The following NWD1 variants were observed in gnomAD, a reference collection of about 807,000 sequenced individuals.
NWD1 encodes the protein NACHT domain- and WD repeat-containing protein 1.
A neutral mutation model predicts 135.1 loss-of-function variants in NWD1; 129 were observed. The ratio of observed to expected loss-of-function variants is 0.96; its 90% CI spans 0.83 to 1.11. NWD1 has a LOEUF of 1.11. Among genes scored for constraint, NWD1 ranks in the 50% least tolerant of loss-of-function variants. The pLI is 0.00. For synonymous variants in NWD1, 773 were observed against 786.0 expected (o/e 0.98, Z 0.28); for missense variants, 1,740 against 1,851.3 (o/e 0.94, Z 1.10).
At position 16,750,279 on chromosome 19, in the gene NWD1, G is replaced by A; in HGVS notation, c.1637G>A (p.Trp546Ter). ...LRLAFEEARK[W>*]ASFTVPVPLA... ...CTGGCGTTTGAGGAAGCCCGGAAAT[G>A]GGCCTCTTTCACCGTGCCTGTCCCG... The change falls in exon 6 of 19, where the codon TGG (tryptophan) becomes TAG (stop). Residue 546 changes from tryptophan (W) to a stop codon, truncating the protein, a stop_gained. Coordinates refer to ENST00000524140, the MANE Select transcript of NWD1 (RefSeq NM_001007525.5). LOFTEE classifies it high-confidence loss of function. The A allele has an allele frequency of 6.2e-7, 1 of 1,613,594 alleles. No individual in the cohort carries two copies. Among genetic ancestry groups the A allele is most frequent in the South Asian group, 1.1e-5 (1 of 91,072 alleles).
intron 17 of NWD1, 83 bp downstream of exon 17, chr19:16,800,245 C>T: frequency 1.5e-6 from 2 of 1,356,064 alleles, no homozygotes; most frequent in Non-Finnish European, 2.0e-6. Flanking sequence ...AACAAATCAT[C>T]CCCACAGGCT....
chr19:16,809,712 G>A (rs983247244), intron 18 of NWD1, among the ~76,000 whole-genome samples: 12 of 151,742 alleles, frequency 7.9e-5, no homozygotes, highest in East Asian at 3.9e-4. Context: ...CCGCCACCAC[G>A]CCTGGCTAAT....
At chr19:16,745,021 C>G in intron 5 of NWD1, 1 of 566,056 alleles carries the variant, frequency 1.8e-6, no homozygotes, top group Admixed American at 2.2e-5. Context: ...TAAAGGCATA[C>G]TTGAGGCTGG....
intron 12 of NWD1, among the ~76,000 whole-genome samples, chr19:16,788,283 T>A (rs1371962290): frequency 2.5e-5 from 3 of 117,788 alleles, no homozygotes; most frequent in Non-Finnish European, 3.6e-5. Flanking sequence ...ATAATAATAA[T>A]AAAAGGCCAG....
intron 4 of NWD1, 117 bp downstream of exon 4, chr19:16,736,867 C>A: frequency 1.5e-6 from 1 of 680,506 alleles, no homozygotes; most frequent in South Asian, 1.6e-5. Flanking sequence ...GTACCTTATC[C>A]CTATGGCCTG....
intron 8 of NWD1, among the ~76,000 whole-genome samples, chr19:16,762,772 T>C (rs1298664000): frequency 6.6e-6 from 1 of 151,604 alleles, no homozygotes; most frequent in Non-Finnish European, 1.5e-5. Flanking sequence ...CTTTTCTTTT[T>C]CCCTCCCTCG....
intron 18 of NWD1, among the ~76,000 whole-genome samples, chr19:16,809,926 A>C (rs1970872405): frequency 6.6e-6 from 1 of 151,992 alleles, no homozygotes; most frequent in Admixed American, 6.6e-5. Context: ...TTCTATCACA[A>C]GGGTTGCTTT....
chr19:16,732,570 G>A (rs1967614944), intron 3 of NWD1, among the ~76,000 whole-genome samples: 1 of 140,364 alleles, frequency 7.1e-6, no homozygotes, highest in African/African-American at 2.7e-5. Flanking sequence ...CCCTAATGCT[G>A]TCTCCTTGTA....
At chr19:16,744,841 C>G (rs1968240179) in intron 5 of NWD1, 123 bp downstream of exon 5, 3 of 785,354 alleles carry the variant, frequency 3.8e-6, no homozygotes, top group Middle Eastern at 3.5e-4. Flanking sequence ...ACCAGTCAAC[C>G]TCTGGTCCCT....
At chr19:16,793,519 C>A (rs1271022227) in intron 14 of NWD1, among the ~76,000 whole-genome samples, 1 of 151,702 alleles carries the variant, frequency 6.6e-6, no homozygotes, top group Non-Finnish European at 1.5e-5. Context: ...ACCCACTGTA[C>A]CTGGCCAGAA....
intron 10 of NWD1, among the ~76,000 whole-genome samples, chr19:16,770,427 T>G (rs753520020): frequency 6.6e-6 from 1 of 152,166 alleles, no homozygotes; most frequent in Non-Finnish European, 1.5e-5. Flanking sequence ...TCCCCAGCCC[T>G]GCAGAACTGT....
chr19:16,798,046 A>G (rs1300676870), intron 16 of NWD1, among the ~76,000 whole-genome samples, 160 bp downstream of exon 16: 1 of 152,186 alleles, frequency 6.6e-6, no homozygotes, highest in Non-Finnish European at 1.5e-5. Flanking sequence ...CCTCCGCCCC[A>G]GTGGCAGACC....
intron 11 of NWD1, among the ~76,000 whole-genome samples, chr19:16,778,494 C>CTTCTTTTTTTTTTTTTT (rs200410922): frequency 3.5e-4 from 38 of 107,558 alleles, no homozygotes; most frequent in African/African-American, 1.5e-3. Context: ...TCTTCTTCTT[C>CTTCTTTTTTTTTTTTTT]TTTTTTTTTT....
intron 8 of NWD1, 150 bp from the exon 9 acceptor site, chr19:16,763,678 G>T: frequency 1.6e-6 from 1 of 617,528 alleles, no homozygotes. Context: ...CTCCAGCCCT[G>T]ACCAATGGGC....
chr19:16,746,043 A>G lies in NWD1; in HGVS notation c.496+1325A>G, dbSNP rs184867465. ...CTTTTGACTCCCCCAAAACGTAACT[A>G]CTAATAGCCCACCAATCACATAAAT... On this transcript the variant is annotated intron_variant, in intron 5 of 18. Transcript: ENST00000524140. 8.7e-4 allele frequency among the ~76,000 whole-genome samples: 133 copies of G among 152,218 alleles called. 5 individuals are homozygous for G. The East Asian group carries it at 0.022, about 26-fold the overall frequency.
At chr19:16,759,513 C>G in intron 7 of NWD1, 85 bp downstream of exon 7, 1 of 941,654 alleles carries the variant, frequency 1.1e-6, no homozygotes, top group South Asian at 1.4e-5. Context: ...TTCTCAGTAT[C>G]AGATCCTTCA....
Position 16,749,318 on chromosome 19 carries a change from A to T in NWD1, c.676A>T (p.Ser226Cys), listed in dbSNP as rs1448494673. ...CGCTGATGCCCAGAACCTTCTCAGCAGCCTCAAAAGTCACATCACTGACAT... is the reference window on the plus strand; with the variant it reads ...CGCTGATGCCCAGAACCTTCTCAGCTGCCTCAAAAGTCACATCACTGACAT... ...LDADAQNLLS[S>C]LKSHITDMHP... The change falls in exon 6 of 19, where the codon AGC becomes TGC. Residue 226 changes from serine (S) to cysteine (C), a missense_variant. Coordinates refer to ENST00000524140, the MANE Select transcript of NWD1 (RefSeq NM_001007525.5). 2 of 1,614,006 alleles carry T rather than the reference A, an allele frequency of 1.2e-6. No homozygotes were observed. Among genetic ancestry groups the T allele is most frequent in the Non-Finnish European group, 1.7e-6 (2 of 1,180,000 alleles).
At chr19:16,753,842 C>CATCA (rs1968674762) in intron 6 of NWD1, among the ~76,000 whole-genome samples, 1 of 150,928 alleles carries the variant, frequency 6.6e-6, no homozygotes, top group South Asian at 2.1e-4. Flanking sequence ...TCCATCCATC[C>CATCA]ATCCATCCAT....
At chr19:16,814,928 A>G in intron 18 of NWD1, 100 bp from the exon 19 acceptor site, 6 of 985,444 alleles carry the variant, frequency 6.1e-6, no homozygotes, top group South Asian at 1.5e-5. Context: ...AGTAGAGGGC[A>G]TAGCAGGAAT....
Sources: allele counts gnomAD v4.1 joint callset (sites outside exome capture counted in the v4.1 genomes callset), GRCh38; gene constraint gnomAD v4.1.1; transcripts MANE v1.5; gene names NCBI Gene and HGNC (gene_info 2026-07-23, HGNC 2026-07-21).